The following AGBL4 variants were observed in gnomAD, a reference collection of about 807,000 sequenced individuals.
AGBL4 encodes cytosolic carboxypeptidase 6.
AGBL4 carries 58 observed loss-of-function variants against 66.4 expected under a neutral mutation model. The observed-to-expected ratio is 0.87, with a 90% CI of 0.71 to 1.09. AGBL4 has a LOEUF of 1.09. Ranked by LOEUF, AGBL4 falls within the 50% of genes least tolerant of loss-of-function variation. AGBL4 has a pLI of 0.00. For synonymous variants in AGBL4, 234 were observed against 222.9 expected (o/e 1.05, Z -0.44); for missense variants, 579 against 631.0 (o/e 0.92, Z 0.88).
At chr1:48,663,585 T>G (rs1399690861) in intron 6 of AGBL4, among the ~76,000 whole-genome samples, 1 of 152,150 alleles carries the variant, frequency 6.6e-6, no homozygotes, top group Non-Finnish European at 1.5e-5. Flanking sequence ...CATTTTCTAA[T>G]CTATAAACAA....
chr1:49,605,682 T>C (rs1301556153), intron 3 of AGBL4, among the ~76,000 whole-genome samples: 1 of 152,168 alleles, frequency 6.6e-6, no homozygotes, highest in Non-Finnish European at 1.5e-5. Context: ...ATGTAAGTGA[T>C]GGATTTTTTT....
intron 11 of AGBL4, among the ~76,000 whole-genome samples, chr1:48,544,354 G>A (rs573058668): frequency 9.8e-4 from 150 of 152,298 alleles, no homozygotes; most frequent in Admixed American, 3.9e-3. Context: ...AGGTTCCTGT[G>A]GACTGAGGTA....
At chr1:49,074,476 A>G (rs571254388) in intron 4 of AGBL4, among the ~76,000 whole-genome samples, 13 of 152,034 alleles carry the variant, frequency 8.6e-5, no homozygotes, top group East Asian at 1.9e-4. Flanking sequence ...TTCTGCATCA[A>G]TCTCGCTGGG....
intron 1 of AGBL4, among the ~76,000 whole-genome samples, chr1:49,980,073 A>G (rs1658933880): frequency 6.6e-6 from 1 of 152,140 alleles, no homozygotes; most frequent in South Asian, 2.1e-4. Flanking sequence ...ATATATATAC[A>G]AAATATGTGT....
chr1:49,472,394 A>G (rs959411246), intron 3 of AGBL4, among the ~76,000 whole-genome samples: 6 of 152,062 alleles, frequency 3.9e-5, no homozygotes, highest in African/African-American at 1.2e-4. Context: ...AACGATTTTA[A>G]AGTAGCCATC....
chr1:48,532,560 C>T (rs1168084183), downstream of AGBL4, among the ~76,000 whole-genome samples: 1 of 152,142 alleles, frequency 6.6e-6, no homozygotes, highest in Non-Finnish European at 1.5e-5. Context: ...AGACTATTGC[C>T]TCTCTCATCT....
chr1:49,136,763 T>G (rs371853669), intron 4 of AGBL4, among the ~76,000 whole-genome samples: 3 of 152,144 alleles, frequency 2.0e-5, no homozygotes, highest in African/African-American at 7.2e-5. Flanking sequence ...TACAGAAGCT[T>G]TGCTGTGTCT....
chr1:49,645,519 T>A (rs1304451172), intron 3 of AGBL4, among the ~76,000 whole-genome samples: 3 of 151,504 alleles, frequency 2.0e-5, no homozygotes, highest in African/African-American at 7.2e-5. Context: ...CTGAATAGTT[T>A]TATATTCTTA....
intron 6 of AGBL4, among the ~76,000 whole-genome samples, chr1:48,823,107 T>C (rs998947505): frequency 6.6e-6 from 1 of 152,214 alleles, no homozygotes; most frequent in Non-Finnish European, 1.5e-5. Flanking sequence ...ATTCTAGAAG[T>C]GACTTGGTTT....
At chr1:49,481,623 C>T (rs1343513277) in intron 3 of AGBL4, among the ~76,000 whole-genome samples, 3 of 151,876 alleles carry the variant, frequency 2.0e-5, no homozygotes, top group African/African-American at 7.3e-5. Flanking sequence ...TTATTTCTTT[C>T]TCTTTCTAAT....
intron 7 of AGBL4, among the ~76,000 whole-genome samples, chr1:48,662,086 C>T (rs1437272984): frequency 6.6e-6 from 1 of 152,236 alleles, no homozygotes; most frequent in Admixed American, 6.5e-5. Context: ...TCGTGCCTAA[C>T]TAAAGCATTG....
chr1:49,516,344 G>T (rs1649822530), intron 3 of AGBL4, among the ~76,000 whole-genome samples: 2 of 151,988 alleles, frequency 1.3e-5, no homozygotes, highest in Admixed American at 1.3e-4. Context: ...ATCAAGGGAG[G>T]TTCTCCAAAG....
At chr1:49,853,796 G>T (rs1367181849) in intron 1 of AGBL4, among the ~76,000 whole-genome samples, 2 of 151,938 alleles carry the variant, frequency 1.3e-5, no homozygotes, top group African/African-American at 4.8e-5. Context: ...TGAAATTACT[G>T]GGAAAAAGTC....
intron 6 of AGBL4, among the ~76,000 whole-genome samples, chr1:48,725,549 C>T (rs1647223265): frequency 6.6e-6 from 1 of 152,116 alleles, no homozygotes; most frequent in Non-Finnish European, 1.5e-5. Context: ...TTGGGTTTCC[C>T]CTAAACATGT....
intron 1 of AGBL4, among the ~76,000 whole-genome samples, chr1:49,911,657 A>G (rs2148212374): frequency 6.6e-6 from 1 of 152,230 alleles, no homozygotes; most frequent in South Asian, 2.1e-4. Context: ...TCAGAGTGTA[A>G]ACTGATGCCC....
At chr1:48,741,652 G>T (rs942520738) in intron 6 of AGBL4, among the ~76,000 whole-genome samples, 1 of 152,262 alleles carries the variant, frequency 6.6e-6, no homozygotes, top group African/African-American at 2.4e-5. Flanking sequence ...GCCAGTTGCA[G>T]AGACATATCT....
At chr1:48,852,037 T>C (rs978484779) in intron 6 of AGBL4, among the ~76,000 whole-genome samples, 31 of 129,954 alleles carry the variant, frequency 2.4e-4, no homozygotes, top group Admixed American at 3.9e-4. Context: ...TTTTTTTTTT[T>C]TTCAGATACC....
intron 5 of AGBL4, among the ~76,000 whole-genome samples, chr1:48,970,591 T>C (rs1658823184): frequency 6.6e-6 from 1 of 152,196 alleles, no homozygotes; most frequent in Non-Finnish European, 1.5e-5. Context: ...AAAGCAATTA[T>C]GCTGTCAGAA....
At chr1:49,437,198 A>T (rs1645923349) in intron 3 of AGBL4, among the ~76,000 whole-genome samples, 1 of 152,170 alleles carries the variant, frequency 6.6e-6, no homozygotes, top group Admixed American at 6.6e-5. Context: ...CCACTAGAAG[A>T]AGCTATCAAC....
Sources: gnomAD v4.1 joint callset for allele counts (sites outside exome capture counted in the v4.1 genomes callset) on GRCh38, gnomAD v4.1.1 for gene constraint, MANE v1.5 for transcripts, NCBI Gene and HGNC (gene_info 2026-07-23, HGNC 2026-07-21) for gene names.